RPF2: variants seen among roughly 807,000 people sequenced by gnomAD.
The protein encoded by RPF2 is ribosome production factor 2 homolog.
In RPF2, 21 loss-of-function variants were observed where a neutral mutation model predicts 38.9. The observed-to-expected ratio is 0.54, with a 90% CI of 0.38 to 0.78. The LOEUF is 0.78. Among genes scored for constraint, RPF2 ranks in the 30% least tolerant of loss-of-function variants. RPF2 has a pLI of 0.00. For missense variants in RPF2, 314 were observed against 358.1 expected (o/e 0.88, Z 0.99); for synonymous variants, 121 against 126.2 (o/e 0.96, Z 0.28).
chr6:111,014,131 T>C (rs1287378918), intron 7 of RPF2, among the ~76,000 whole-genome samples: 1 of 148,918 alleles, frequency 6.7e-6, no homozygotes, highest in Non-Finnish European at 1.5e-5. Context: ...CTGTGTTTTT[T>C]GTTTTTTGGG....
chr6:111,008,236 T>C (rs1025463878), intron 7 of RPF2, 99 bp downstream of exon 7: 1 of 1,262,288 alleles, frequency 7.9e-7, no homozygotes, highest in Admixed American at 3.5e-5. Context: ...TAACTTCTTT[T>C]TTCTCTTATT....
intron 8 of RPF2, among the ~76,000 whole-genome samples, chr6:111,017,239 C>T (rs879940168): frequency 9.2e-5 from 14 of 152,204 alleles, no homozygotes; most frequent in African/African-American, 3.4e-4. Context: ...AGGGGCTCCT[C>T]ACTTCCCAGA....
intron 8 of RPF2, among the ~76,000 whole-genome samples, chr6:111,019,088 G>T (rs1772181113): frequency 6.6e-6 from 1 of 152,010 alleles, no homozygotes; most frequent in African/African-American, 2.4e-5. Flanking sequence ...GGTGGCACTG[G>T]CCTCCATGCT....
intron 3 of RPF2, among the ~76,000 whole-genome samples, chr6:110,990,127 G>A (rs185908939): frequency 6.7e-6 from 1 of 148,590 alleles, no homozygotes; most frequent in South Asian, 2.1e-4. Flanking sequence ...TAGTAGAGAC[G>A]GGATTTCTCC....
chr6:111,021,816 T>C (rs1015616952), intron 8 of RPF2, among the ~76,000 whole-genome samples: 5 of 152,208 alleles, frequency 3.3e-5, no homozygotes, highest in Non-Finnish European at 7.3e-5. Flanking sequence ...TTAGCCCTTA[T>C]GCAATTTGAA....
In RPF2 at chr6:111,024,272, A is replaced by G; in HGVS notation, c.686A>G (p.His229Arg). The G allele has an allele frequency of 6.2e-7, 1 of 1,612,254 alleles. No homozygotes were observed. Among genetic ancestry groups the G allele is most frequent in the Non-Finnish European group, 8.5e-7 (1 of 1,179,912 alleles). The change falls in exon 9 of 10, where the codon CAC (histidine) becomes CGC (arginine). Residue 229 changes from histidine (H) to arginine (R), a missense_variant. Coordinates refer to ENST00000441448, the MANE Select transcript of RPF2 (RefSeq NM_032194.3). ...PSLDLVLRRT[H>R]LASDDLYKLS... ...TTGGATCTGGTTCTGAGGAGGACAC[A>G]CCTGGCATCGGATGACCTTTATAAA...
rs1772307911 is a variant in RPF2 at position 111,025,461 on chromosome 6, A to T, written c.800A>T (p.His267Leu). The T allele has an allele frequency of 3.7e-6, 6 of 1,613,236 alleles. No homozygotes were observed. The East Asian group carries it at 1.3e-4, about 36-fold the overall frequency. ...TTTGGTACAACTTATGGAAGGATTC[A>T]TATGCAGAAGCAAGACCTAAGCAAA... Reference protein sequence around the residue: ...DTFGTTYGRIHMQKQDLSKLQ... With the variant: ...DTFGTTYGRILMQKQDLSKLQ... Residue 267 changes from histidine to leucine, a missense_variant, in exon 10 of 10, where the codon CAT becomes CTT. Transcript: ENST00000441448.
At position 110,991,742 on chromosome 6, in the gene RPF2, C is replaced by T; in HGVS notation, c.195-5C>T. 8.8e-7 allele frequency: 1 copy of T among 1,131,528 alleles called. No individual in the cohort carries two copies. 70.1% of individuals were successfully genotyped at this position (1,131,528 alleles called of 1,614,324 possible). On this transcript the variant is annotated splice_polypyrimidine_tract_variant and splice_region_variant and intron_variant, in intron 3 of 9. Coordinates refer to ENST00000441448, the MANE Select transcript of RPF2 (RefSeq NM_032194.3). ...TTAAAATTGTCACTTTTTTGATATTCTTAGGAAAAATATTACAAGACCTTT... is the reference window on the plus strand; with the variant it reads ...TTAAAATTGTCACTTTTTTGATATTTTTAGGAAAAATATTACAAGACCTTT...
intron 1 of RPF2, among the ~76,000 whole-genome samples, chr6:110,982,818 C>T (rs1463253796): frequency 6.6e-6 from 1 of 152,192 alleles, no homozygotes; most frequent in Non-Finnish European, 1.5e-5. Flanking sequence ...AGAGATTTTG[C>T]ACACCTGCTA....
intron 3 of RPF2, among the ~76,000 whole-genome samples, chr6:110,990,589 T>G (rs1197914525): frequency 7.1e-6 from 1 of 140,958 alleles, no homozygotes; most frequent in Non-Finnish European, 1.6e-5. Context: ...TTCTTTTGTT[T>G]GTTTTTTTAG....
chr6:111,028,201 A>C lies in RPF2; in HGVS notation c.*2619A>C, dbSNP rs1033636574. On this transcript the variant is annotated 3_prime_UTR_variant, in exon 10 of 10. Coordinates refer to ENST00000441448, the MANE Select transcript of RPF2 (RefSeq NM_032194.3). Reference sequence around the variant, plus strand: ...TTTCTTGGTTATTGAACATAATCCAAAGTAGAGATGTTATTACTCAATTCA... The same window carrying C: ...TTTCTTGGTTATTGAACATAATCCACAGTAGAGATGTTATTACTCAATTCA... 1.3e-5 allele frequency: 2 copies of C among 152,082 alleles called. No homozygotes were observed. The highest frequency in any genetic ancestry group is 2.9e-5 in the Non-Finnish European group (2 of 68,022). 9.4% of individuals were successfully genotyped at this position (152,082 alleles called of 1,614,324 possible). A position where few individuals can be genotyped will look rare whatever the true frequency, so the allele number is the denominator to read the frequency against.
intron 4 of RPF2, among the ~76,000 whole-genome samples, chr6:110,994,187 A>G (rs540666246): frequency 1.4e-3 from 216 of 152,158 alleles, no homozygotes; most frequent in Non-Finnish European, 2.6e-3. Context: ...AGGCAGGAGA[A>G]TCACTTGAAC....
At chr6:111,000,824 G>T (rs960932684) in intron 6 of RPF2, among the ~76,000 whole-genome samples, 2 of 152,200 alleles carry the variant, frequency 1.3e-5, no homozygotes, top group Admixed American at 1.3e-4. Flanking sequence ...CACACATATG[G>T]TCAGTATAAC....
chr6:110,984,455 G>A (rs1047646536), intron 1 of RPF2, among the ~76,000 whole-genome samples: 3 of 152,040 alleles, frequency 2.0e-5, no homozygotes, highest in African/African-American at 4.8e-5. Flanking sequence ...AAAGAATGGT[G>A]GGAATACAAA....
chr6:111,006,268 G>A (rs756718780), intron 6 of RPF2, among the ~76,000 whole-genome samples: 9 of 151,202 alleles, frequency 6.0e-5, no homozygotes, highest in Non-Finnish European at 1.2e-4. Context: ...ATGGCATCTC[G>A]CTCTCACCCA....
intron 1 of RPF2, among the ~76,000 whole-genome samples, chr6:110,983,055 G>T (rs576602148): frequency 6.6e-5 from 10 of 152,274 alleles, no homozygotes; most frequent in Admixed American, 6.5e-4. Context: ...AATCTACATG[G>T]GAAACTTAAG....
At chr6:111,004,932 A>C (rs1195505858) in intron 6 of RPF2, among the ~76,000 whole-genome samples, 1 of 151,414 alleles carries the variant, frequency 6.6e-6, no homozygotes, top group Non-Finnish European at 1.5e-5. Flanking sequence ...GACAACTTCA[A>C]ATTTTTTTTT....
At chr6:111,023,842 G>A (rs906532816) in intron 8 of RPF2, among the ~76,000 whole-genome samples, 2 of 152,042 alleles carry the variant, frequency 1.3e-5, no homozygotes, top group Non-Finnish European at 2.9e-5. Flanking sequence ...AAAAAAATTA[G>A]CCAGGTGTGG....
intron 6 of RPF2, among the ~76,000 whole-genome samples, chr6:111,006,997 C>T (rs569370835): frequency 1.3e-5 from 2 of 152,134 alleles, no homozygotes; most frequent in South Asian, 2.1e-4. Context: ...GCCGAGATAG[C>T]GCCATTGCAC....
Sources: gnomAD v4.1 joint callset for allele counts (sites outside exome capture counted in the v4.1 genomes callset) on GRCh38, gnomAD v4.1.1 for gene constraint, MANE v1.5 for transcripts, NCBI Gene and HGNC (gene_info 2026-07-23, HGNC 2026-07-21) for gene names.